MCHR2: variants seen among roughly 807,000 people sequenced by gnomAD.
MCHR2 encodes the protein melanin-concentrating hormone receptor 2.
A neutral mutation model predicts 24.8 loss-of-function variants in MCHR2; 15 were observed. The observed-to-expected ratio is 0.60, with a 90% CI of 0.40 to 0.93. MCHR2 has a LOEUF of 0.93. Among genes scored for constraint, MCHR2 ranks in the 40% least tolerant of loss-of-function variants. MCHR2 has a pLI of 0.00. For missense variants in MCHR2, 386 were observed against 408.7 expected (o/e 0.94, Z 0.48); for synonymous variants, 151 against 147.6 (o/e 1.02, Z -0.17).
At chr6:99,989,858 A>G (rs931657474) in intron 1 of MCHR2, among the ~76,000 whole-genome samples, 4 of 152,116 alleles carry the variant, frequency 2.6e-5, no homozygotes, top group African/African-American at 9.7e-5. Context: ...TAACATTTTT[A>G]TTTGAAAAAA....
At chr6:99,929,519 C>G (rs932946520) in intron 5 of MCHR2, among the ~76,000 whole-genome samples, 1 of 152,164 alleles carries the variant, frequency 6.6e-6, no homozygotes, top group African/African-American at 2.4e-5. Context: ...AATCTGGGTG[C>G]TGCTGTATTG....
At chr6:99,957,106 T>C (rs894347735) in intron 1 of MCHR2, among the ~76,000 whole-genome samples, 1 of 152,124 alleles carries the variant, frequency 6.6e-6, no homozygotes, top group African/African-American at 2.4e-5. Flanking sequence ...CAATGCTATC[T>C]TGATTTAGAA....
intron 1 of MCHR2, among the ~76,000 whole-genome samples, chr6:99,991,185 C>T (rs1364320316): frequency 6.6e-6 from 1 of 151,858 alleles, no homozygotes; most frequent in Non-Finnish European, 1.5e-5. Flanking sequence ...GCCTATGGGG[C>T]CCAGGACCTC....
chr6:99,940,614 GCTT>G (rs1409581167), intron 4 of MCHR2, among the ~76,000 whole-genome samples: 1 of 152,106 alleles, frequency 6.6e-6, no homozygotes, highest in Non-Finnish European at 1.5e-5. Context: ...GTTTGCTGTT[GCTT>G]CTTATGGATG....
At chr6:99,987,112 A>T (rs1442229639) in intron 1 of MCHR2, among the ~76,000 whole-genome samples, 3 of 151,034 alleles carry the variant, frequency 2.0e-5, no homozygotes, top group East Asian at 3.9e-4. Context: ...TTATTTATTT[A>T]TTTTTTGAGA....
intron 5 of MCHR2, among the ~76,000 whole-genome samples, chr6:99,921,584 G>C (rs1320996176): frequency 1.3e-5 from 2 of 151,868 alleles, no homozygotes; most frequent in African/African-American, 4.8e-5. Flanking sequence ...TGAAGAATTG[G>C]GTATCCATCC....
intron 4 of MCHR2, among the ~76,000 whole-genome samples, chr6:99,942,700 A>G (rs1699145993): frequency 6.6e-6 from 1 of 152,110 alleles, no homozygotes; most frequent in South Asian, 2.1e-4. Flanking sequence ...GAATGTTTAA[A>G]ATCCATGTTT....
At chr6:99,938,916 A>C (rs140536351) in intron 4 of MCHR2, among the ~76,000 whole-genome samples, 1 of 152,146 alleles carries the variant, frequency 6.6e-6, no homozygotes, top group East Asian at 1.9e-4. Context: ...CTTTTGCTGA[A>C]TTGACTCCTT....
rs533255754 is a variant in MCHR2, at chr6:99,950,168, A to G, written c.183-2197T>C. On this transcript the variant is annotated intron_variant, in intron 2 of 5. Coordinates refer to ENST00000281806, the MANE Select transcript of MCHR2 (RefSeq NM_001040179.2). ...AAAGTGTGTCTAGATGATATTCTGT[A>G]TAGTACAAAGAGAGTTCTGAAGCAA... Among the ~76,000 whole-genome samples, 14 of 152,298 alleles carry G rather than the reference A, an allele frequency of 9.2e-5. No homozygotes were observed. The South Asian group carries it at 1.7e-3, about 18-fold the overall frequency.
chr6:99,954,111 G>C (rs1002135865), intron 2 of MCHR2, among the ~76,000 whole-genome samples: 6 of 151,994 alleles, frequency 3.9e-5, no homozygotes, highest in African/African-American at 1.5e-4. Context: ...TCCAACAACT[G>C]TCTCTATAAT....
intron 1 of MCHR2, among the ~76,000 whole-genome samples, chr6:99,960,522 A>G (rs1396869084): frequency 6.6e-6 from 1 of 152,208 alleles, no homozygotes; most frequent in African/African-American, 2.4e-5. Flanking sequence ...CCCCATAGCC[A>G]AGACAATCCT....
chr6:99,976,421 T>C (rs1775552712), intron 1 of MCHR2, among the ~76,000 whole-genome samples: 1 of 152,202 alleles, frequency 6.6e-6, no homozygotes, highest in African/African-American at 2.4e-5. Flanking sequence ...AGCTTTGGGG[T>C]ACCTCCAGGT....
At chr6:99,987,188 C>T (rs1451952018) in intron 1 of MCHR2, among the ~76,000 whole-genome samples, 1 of 151,390 alleles carries the variant, frequency 6.6e-6, no homozygotes, top group Non-Finnish European at 1.5e-5. Context: ...GCAACCTCTG[C>T]CTCCTGGGTT....
At position 99,929,269 on chromosome 6, in the gene MCHR2, A is replaced by G. The variant is rs537347134; in HGVS notation, c.707+5129T>C. On this transcript the variant is annotated intron_variant, in intron 5 of 5. Transcript: ENST00000281806. ...AGCTTTACTTCCAAGTATGTGGTCA[A>G]TTTTGGAATAGGTGTGGTGTGGTGC... Among the ~76,000 whole-genome samples the G allele has an allele frequency of 4.1e-3, 631 of 152,230 alleles. 6 individuals are homozygous for G. Among genetic ancestry groups the G allele is most frequent in the African/African-American group, 0.014 (593 of 41,528 alleles).
At chr6:99,933,620 G>T (rs2114503677) in intron 5 of MCHR2, among the ~76,000 whole-genome samples, 1 of 146,990 alleles carries the variant, frequency 6.8e-6, no homozygotes, top group Non-Finnish European at 1.5e-5. Flanking sequence ...AGGAATGGTG[G>T]TTAAGTTGCT....
rs551236708 is a variant in MCHR2, at chr6:99,972,430, C to A, written c.-27-16256G>T. Among the ~76,000 whole-genome samples, 342 of 152,004 alleles carry A rather than the reference C, an allele frequency of 2.2e-3. 2 individuals carry two copies. Among genetic ancestry groups the A allele is most frequent in the South Asian group, 6.7e-3 (32 of 4,806 alleles). ...ATATCCCCTTTATCATTTTTTATTG[C>A]GTCTATTTGATTCTTCTCTCTTTTC... On this transcript the variant is annotated intron_variant, in intron 1 of 5. Coordinates refer to ENST00000281806, the MANE Select transcript of MCHR2 (RefSeq NM_001040179.2).
At chr6:99,930,494 G>T (rs1243534550) in intron 5 of MCHR2, among the ~76,000 whole-genome samples, 2 of 151,664 alleles carry the variant, frequency 1.3e-5, no homozygotes, top group African/African-American at 2.4e-5. Flanking sequence ...CGTAGATTTG[G>T]TCTTTTCACA....
chr6:99,973,629 T>G (rs1465598159), intron 1 of MCHR2, among the ~76,000 whole-genome samples: 1 of 152,240 alleles, frequency 6.6e-6, no homozygotes, highest in African/African-American at 2.4e-5. Flanking sequence ...ATTTTGCTCA[T>G]TAGTTGATGC....
At chr6:99,983,138 T>TC (rs1262849924) in intron 1 of MCHR2, among the ~76,000 whole-genome samples, 1 of 151,450 alleles carries the variant, frequency 6.6e-6, no homozygotes. Context: ...TTTTTGGTTT[T>TC]TTTTGGTATT....
Sources: allele counts gnomAD v4.1 joint callset (sites outside exome capture counted in the v4.1 genomes callset), GRCh38; gene constraint gnomAD v4.1.1; transcripts MANE v1.5; gene names NCBI Gene and HGNC (gene_info 2026-07-23, HGNC 2026-07-21).